Variants in MYOZ2 observed in about 807,000 individuals in gnomAD.
MYOZ2 encodes myozenin-2.
Under a neutral mutation model 25.4 loss-of-function variants are expected in MYOZ2, and 19 were observed. The observed-to-expected ratio is 0.75, with a 90% CI of 0.52 to 1.10. The LOEUF (loss-of-function observed/expected upper bound fraction) is 1.10, where lower values mean the gene tolerates loss of function less well. Among genes scored for constraint, MYOZ2 ranks in the 50% least tolerant of loss-of-function variants. The pLI, the probability that MYOZ2 is intolerant of heterozygous loss-of-function variation, is 0.00. For synonymous variants in MYOZ2, 92 were observed against 106.9 expected (o/e 0.86, Z 0.86); for missense variants, 270 against 317.9 (o/e 0.85, Z 1.15).
At chr4:119,161,767 A>T (rs2149224513) in intron 4 of MYOZ2, among the ~76,000 whole-genome samples, 1 of 152,306 alleles carries the variant, frequency 6.6e-6, no homozygotes, top group East Asian at 1.9e-4. Context: ...TATGAACATG[A>T]TACAGAAACA....
At position 119,150,864 on chromosome 4, in the gene MYOZ2, T is replaced by C; in HGVS notation, c.77-8T>C. The C allele has an allele frequency of 6.2e-7, 1 of 1,613,068 alleles. No individual in the cohort carries two copies. The highest frequency in any genetic ancestry group is 8.5e-7 in the Non-Finnish European group (1 of 1,179,058). On this transcript the variant is annotated splice_polypyrimidine_tract_variant and splice_region_variant and intron_variant, in intron 2 of 5. Transcript: ENST00000307128. ...GGGATTTTTACTCATATGAATATTGTTTTACAGATGTTGATGGCATGGACC... is the reference window on the plus strand; with the variant it reads ...GGGATTTTTACTCATATGAATATTGCTTTACAGATGTTGATGGCATGGACC...
At chr4:119,174,218 C>T (rs1250912028) in intron 5 of MYOZ2, among the ~76,000 whole-genome samples, 1 of 152,338 alleles carries the variant, frequency 6.6e-6, no homozygotes, top group East Asian at 1.9e-4. Flanking sequence ...AGCCCTGGTG[C>T]GGGATCCTCT....
At chr4:119,171,506 A>G (rs1413276799) in intron 5 of MYOZ2, among the ~76,000 whole-genome samples, 1 of 151,974 alleles carries the variant, frequency 6.6e-6, no homozygotes, top group Non-Finnish European at 1.5e-5. Flanking sequence ...TCTTTGAATT[A>G]GTCCAGAACA....
chr4:119,170,807 C>T (rs543111445), intron 5 of MYOZ2, among the ~76,000 whole-genome samples: 7 of 152,066 alleles, frequency 4.6e-5, no homozygotes, highest in Non-Finnish European at 1.0e-4. Flanking sequence ...CAAAAGACAT[C>T]AAGCTTCAAG....
chr4:119,138,735 C>A (rs28405657), intron 2 of MYOZ2, among the ~76,000 whole-genome samples: 10,600 of 152,096 alleles, frequency 0.07, 868 homozygotes, highest in African/African-American at 0.19. Flanking sequence ...TTTTTTCAGC[C>A]TCATAACTCA....
chr4:119,143,162 T>C (rs1256377969), intron 2 of MYOZ2, among the ~76,000 whole-genome samples: 3 of 152,006 alleles, frequency 2.0e-5, no homozygotes, highest in African/African-American at 7.2e-5. Context: ...GAGCTCTTAA[T>C]ACTGTTACAA....
chr4:119,141,673 TGCCCG>T lies in MYOZ2; in HGVS notation c.76+5076_76+5080del, dbSNP rs1163852970. ...CTGGGATTACAGGCATGAACCACCA[TGCCCG>T]GCCTTATTTTTAATAGATGATCTAA... On this transcript the variant is annotated intron_variant, in intron 2 of 5. Transcript: ENST00000307128. Among the ~76,000 whole-genome samples, 7 of 152,200 alleles carry T rather than the reference TGCCCG, an allele frequency of 4.6e-5. No homozygotes were observed. The East Asian group carries it at 1.3e-3, about 29-fold the overall frequency.
At chr4:119,155,339 G>A (rs761614752) in intron 3 of MYOZ2, among the ~76,000 whole-genome samples, 1 of 152,114 alleles carries the variant, frequency 6.6e-6, no homozygotes, top group South Asian at 2.1e-4. Context: ...ATAGGATGGG[G>A]ACTCCAAATG....
intron 2 of MYOZ2, among the ~76,000 whole-genome samples, chr4:119,143,025 C>G (rs796993751): frequency 7.2e-5 from 11 of 152,140 alleles, no homozygotes; most frequent in African/African-American, 1.9e-4. Flanking sequence ...AAGGGAGGGT[C>G]TTTTTGCTGA....
chr4:119,143,191 C>T (rs547706142), intron 2 of MYOZ2, among the ~76,000 whole-genome samples: 6 of 151,700 alleles, frequency 4.0e-5, no homozygotes, highest in African/African-American at 1.4e-4. Flanking sequence ...AAATTTCTTT[C>T]TTTCTTTTTT....
At chr4:119,183,104 G>C (rs1287326291) in intron 5 of MYOZ2, among the ~76,000 whole-genome samples, 1 of 152,144 alleles carries the variant, frequency 6.6e-6, no homozygotes, top group African/African-American at 2.4e-5. Context: ...AATCTATATA[G>C]TCTTGCCAGG....
At chr4:119,178,559 T>G (rs1386233412) in intron 5 of MYOZ2, among the ~76,000 whole-genome samples, 2 of 152,216 alleles carry the variant, frequency 1.3e-5, no homozygotes, top group African/African-American at 2.4e-5. Flanking sequence ...TAATTCCATT[T>G]TCACCTTATA....
At chr4:119,176,424 T>A (rs186853841) in intron 5 of MYOZ2, among the ~76,000 whole-genome samples, 1 of 152,186 alleles carries the variant, frequency 6.6e-6, no homozygotes, top group Non-Finnish European at 1.5e-5. Flanking sequence ...GGTTTCGCCA[T>A]GTTGGCCAGG....
chr4:119,181,041 T>A (rs1331925235), intron 5 of MYOZ2, among the ~76,000 whole-genome samples: 1 of 152,220 alleles, frequency 6.6e-6, no homozygotes, highest in Non-Finnish European at 1.5e-5. Context: ...ACATGAATAA[T>A]TACCTGGTCA....
Position 119,186,892 on chromosome 4 carries a change from G to A in MYOZ2, c.*692G>A, listed in dbSNP as rs1405633127. 1 of 152,168 alleles carries A rather than the reference G, an allele frequency of 6.6e-6. No individual in the cohort carries two copies. Among genetic ancestry groups the A allele is most frequent in the South Asian group, 2.1e-4 (1 of 4,830 alleles). The allele number at this position is 152,168 out of a possible 1,614,324, so 9.4% of individuals were successfully genotyped here. ...TAGTACCATAGTTTTAAGGACCAAG[G>A]TGTGCCCAGAATTCAAGTTTCACAA... On this transcript the variant is annotated 3_prime_UTR_variant, in exon 6 of 6. Coordinates refer to ENST00000307128, the MANE Select transcript of MYOZ2 (RefSeq NM_016599.5).
intron 2 of MYOZ2, among the ~76,000 whole-genome samples, chr4:119,137,626 T>G (rs182686247): frequency 1.4e-4 from 22 of 152,282 alleles, no homozygotes; most frequent in African/African-American, 4.8e-4. Context: ...TAATCATAAC[T>G]AAGAGGTCCG....
chr4:119,138,845 G>A (rs1741096693), intron 2 of MYOZ2, among the ~76,000 whole-genome samples: 1 of 152,074 alleles, frequency 6.6e-6, no homozygotes, highest in Non-Finnish European at 1.5e-5. Context: ...AACATGAGGT[G>A]GAAATTCAAT....
intron 5 of MYOZ2, among the ~76,000 whole-genome samples, chr4:119,180,862 C>A (rs1742174594): frequency 6.6e-6 from 1 of 152,092 alleles, no homozygotes; most frequent in Non-Finnish European, 1.5e-5. Context: ...AGCCTATGAC[C>A]ACATTTTTAA....
intron 3 of MYOZ2, among the ~76,000 whole-genome samples, chr4:119,153,160 T>C (rs1319890938): frequency 6.6e-6 from 1 of 151,934 alleles, no homozygotes; most frequent in Non-Finnish European, 1.5e-5. Flanking sequence ...TAATGATCTG[T>C]GTGTTGCCCG....
Sources: allele counts gnomAD v4.1 joint callset (sites outside exome capture counted in the v4.1 genomes callset), GRCh38; gene constraint gnomAD v4.1.1; transcripts MANE v1.5; gene names NCBI Gene and HGNC (gene_info 2026-07-23, HGNC 2026-07-21).